The following POU2AF1 variants were observed in gnomAD, a reference collection of about 807,000 sequenced individuals.
The protein encoded by POU2AF1 is POU class 2 homeobox associating factor 1.
Under a neutral mutation model 26.3 loss-of-function variants are expected in POU2AF1, and 12 were observed. The observed-to-expected ratio is 0.46, with a 90% CI of 0.29 to 0.74. The LOEUF (loss-of-function observed/expected upper bound fraction) is 0.74, where lower values mean the gene tolerates loss of function less well. Ranked by LOEUF, POU2AF1 falls within the 30% of genes least tolerant of loss-of-function variation. The pLI is 0.09. For synonymous variants in POU2AF1, 175 were observed against 148.0 expected (o/e 1.18, Z -1.32); for missense variants, 297 against 334.5 (o/e 0.89, Z 0.87).
intron 1 of POU2AF1, among the ~76,000 whole-genome samples, chr11:111,374,252 G>C (rs1329640723): frequency 6.6e-6 from 1 of 151,548 alleles, no homozygotes; most frequent in Non-Finnish European, 1.5e-5. Flanking sequence ...AAATATAAGG[G>C]GCAGGAAGTA....
intron 1 of POU2AF1, among the ~76,000 whole-genome samples, chr11:111,378,736 C>T (rs1365705221): frequency 6.6e-6 from 1 of 152,158 alleles, no homozygotes; most frequent in Non-Finnish European, 1.5e-5. Flanking sequence ...CCAGGGAATT[C>T]AACAGAAGGC....
intron 1 of POU2AF1, chr11:111,362,910 G>A (rs1031512811): frequency 2.6e-5 from 4 of 155,426 alleles, no homozygotes; most frequent in African/African-American, 7.2e-5. Flanking sequence ...CTGAGGAAGG[G>A]CTCAGAGGCC....
rs184734634 is a variant in POU2AF1 at position 111,364,430 on chromosome 11, C to T, written c.17-5512G>A. Reference sequence around the variant, plus strand: ...TTATTTAATGGCACCTTGCAAACCACGTTCACACCACAGTGCAGGAGCTGC... The same window carrying T: ...TTATTTAATGGCACCTTGCAAACCATGTTCACACCACAGTGCAGGAGCTGC... On this transcript the variant is annotated intron_variant, in intron 1 of 4. Coordinates refer to ENST00000393067, the MANE Select transcript of POU2AF1 (RefSeq NM_006235.3). 21 of 152,340 alleles carry T rather than the reference C, an allele frequency of 1.4e-4. No homozygotes were observed. The East Asian group carries it at 3.7e-3, about 27-fold the overall frequency. The allele number at this position is 152,340 out of a possible 1,614,324, so 9.4% of individuals were successfully genotyped here.
intron 1 of POU2AF1, among the ~76,000 whole-genome samples, chr11:111,367,449 A>G (rs1861126273): frequency 6.6e-6 from 1 of 152,102 alleles, no homozygotes; most frequent in Non-Finnish European, 1.5e-5. Context: ...CGAGAAGGAA[A>G]TTGATGCTCA....
Position 111,379,220 on chromosome 11 carries a change from T to A in POU2AF1, c.-43A>T. The A allele has an allele frequency of 6.2e-7, 1 of 1,613,466 alleles. No homozygotes were observed. The highest frequency in any genetic ancestry group is 8.5e-7 in the Non-Finnish European group (1 of 1,179,432). On this transcript the variant is annotated 5_prime_UTR_variant, in exon 1 of 5. Coordinates refer to ENST00000393067, the MANE Select transcript of POU2AF1 (RefSeq NM_006235.3). The stretch of plus-strand genomic sequence containing the variant: ...TGCCTTTTCTCTTTGAAGCCGACAG[T>A]TTGGCTTCTTTAATGTGAGACCGGG...
At chr11:111,376,998 C>T (rs1861320655) in intron 1 of POU2AF1, among the ~76,000 whole-genome samples, 1 of 152,110 alleles carries the variant, frequency 6.6e-6, no homozygotes, top group Non-Finnish European at 1.5e-5. Flanking sequence ...CATTGATGAG[C>T]TTACAATGTG....
intron 1 of POU2AF1, chr11:111,359,519 G>T (rs1040079386): frequency 5.5e-6 from 1 of 180,300 alleles, no homozygotes; most frequent in Non-Finnish European, 1.2e-5. Context: ...TCCTGCCCCT[G>T]CCACCACCTT....
At chr11:111,377,357 GC>G (rs533794086) in intron 1 of POU2AF1, among the ~76,000 whole-genome samples, 105 of 152,206 alleles carry the variant, frequency 6.9e-4, no homozygotes, top group African/African-American at 2.5e-3. Context: ...TCCAGCCTGG[GC>G]AACAGAGCAA....
chr11:111,357,829 C>A lies in POU2AF1; in HGVS notation c.156G>T (p.Leu52=). The A allele has an allele frequency of 6.2e-7, 1 of 1,610,920 alleles. No individual in the cohort carries two copies. The highest frequency in any genetic ancestry group is 1.3e-5 in the African/African-American group (1 of 74,674). ...GAAPAPTAVV[L]PHQPLATYTT... The stretch of plus-strand genomic sequence containing the variant: ...TGTAGGTCGCCAGGGGCTGATGGGG[C>A]AGCACCACCTAGAGGGGAGAGGAGA... The change falls in exon 3 of 5, where the codon CTG becomes CTT. Residue 52 remains leucine, a synonymous_variant. Coordinates refer to ENST00000393067, the MANE Select transcript of POU2AF1 (RefSeq NM_006235.3).
chr11:111,361,534 C>T (rs1815949), intron 1 of POU2AF1, among the ~76,000 whole-genome samples: 42,574 of 152,176 alleles, frequency 0.28, 7,471 homozygotes, highest in Admixed American at 0.4. Context: ...ATGGGGAGCT[C>T]CAAAGGCCAT....
chr11:111,358,352 TCACA>T (rs555433557), intron 2 of POU2AF1, among the ~76,000 whole-genome samples: 5 of 113,334 alleles, frequency 4.4e-5, no homozygotes, highest in Middle Eastern at 4.5e-3. Flanking sequence ...ACTCTCACAC[TCACA>T]CTCTCACACA....
At chr11:111,355,590 C>T (rs1860829288) in intron 4 of POU2AF1, among the ~76,000 whole-genome samples, 1 of 152,156 alleles carries the variant, frequency 6.6e-6, no homozygotes, top group South Asian at 2.1e-4. Context: ...TTCTCAACCT[C>T]CTGGGGATCT....
At position 111,375,684 on chromosome 11, in the gene POU2AF1, C is replaced by T. The variant is rs139798470; in HGVS notation, c.16+3478G>A. On this transcript the variant is annotated intron_variant, in intron 1 of 4. Transcript: ENST00000393067. ...AAAGTGCTGGGATTACAGGCGCCCGCCACCGCACCCGGCCTGATACTGAGT... is the reference window on the plus strand; with the variant it reads ...AAAGTGCTGGGATTACAGGCGCCCGTCACCGCACCCGGCCTGATACTGAGT... Among the ~76,000 whole-genome samples the T allele has an allele frequency of 3.5e-4, 54 of 152,278 alleles. 1 individual carries two copies. The highest frequency in any genetic ancestry group is 1.3e-3 in the African/African-American group (54 of 41,564).
rs1168029493 is a variant in POU2AF1, at chr11:111,353,005, GGAA to G, written c.*1253_*1255del. On this transcript the variant is annotated 3_prime_UTR_variant, in exon 5 of 5. Transcript: ENST00000393067. The stretch of plus-strand genomic sequence containing the variant: ...AGGAAGGAAGGAAAGAAGGAAGGAA[GGAA>G]GGAAGGAAGGAAGGAAGGAAGGAAG... The G allele has an allele frequency of 1.1e-4, 15 of 136,796 alleles. No homozygotes were observed. The highest frequency in any genetic ancestry group is 4.5e-4 in the Admixed American group (5 of 11,118). 8.5% of individuals were successfully genotyped at this position (136,796 alleles called of 1,614,324 possible).
chr11:111,358,376 T>TCACACACC (rs1170261792), intron 2 of POU2AF1, among the ~76,000 whole-genome samples: 1 of 18,780 alleles, frequency 5.3e-5, no homozygotes. Flanking sequence ...ACTCACACAC[T>TCACACACC]CTCTCACACA....
Position 111,359,194 on chromosome 11 carries a change from G to C in POU2AF1, c.17-276C>G, listed in dbSNP as rs79628938. 1.8e-3 allele frequency: 945 copies of C among 519,658 alleles called. 11 individuals carry two copies. Among genetic ancestry groups the C allele is most frequent in the African/African-American group, 0.017 (885 of 52,128 alleles). 32.2% of individuals were successfully genotyped at this position (519,658 alleles called of 1,614,324 possible). ...CCGAACCCATTTTTCTCACCACTTTGCACACTCCCTACTACACAAACCCTG... is the reference window on the plus strand; with the variant it reads ...CCGAACCCATTTTTCTCACCACTTTCCACACTCCCTACTACACAAACCCTG... On this transcript the variant is annotated intron_variant, in intron 1 of 4. Transcript: ENST00000393067.
chr11:111,354,345 C>T lies in POU2AF1; in HGVS notation c.687G>A (p.Ser229=), dbSNP rs369210958. ...DMEDPRRAAS[S]LTIDKLLLEE... ...CCAAAAGCAGCTTGTCGATGGTCAA[C>T]GAGCTGGCGGCTCTTCTGGGGTCTT... Residue 229 remains serine, a synonymous_variant, in exon 5 of 5, where the codon TCG becomes TCA. Transcript: ENST00000393067. 73 of 1,614,114 alleles carry T rather than the reference C, an allele frequency of 4.5e-5. No individual in the cohort carries two copies. The South Asian group carries it at 6.6e-4, about 15-fold the overall frequency.
intron 1 of POU2AF1, chr11:111,360,074 A>G: frequency 1.9e-6 from 1 of 518,840 alleles, no homozygotes; most frequent in Non-Finnish European, 3.8e-6. Context: ...ATTGACCCAA[A>G]TAAGAGCCAG....
At chr11:111,363,426 C>G in intron 1 of POU2AF1, 1 of 1,014,620 alleles carries the variant, frequency 9.9e-7, no homozygotes, top group Non-Finnish European at 1.2e-6. Flanking sequence ...TGGTACCTTT[C>G]ACACCAACCT....
Sources: gnomAD v4.1 joint callset for allele counts (sites outside exome capture counted in the v4.1 genomes callset) on GRCh38, gnomAD v4.1.1 for gene constraint, MANE v1.5 for transcripts, NCBI Gene and HGNC (gene_info 2026-07-23, HGNC 2026-07-21) for gene names.